Variants in C1orf21 observed in about 807,000 individuals in gnomAD.
C1orf21 encodes chromosome 1 open reading frame 21.
C1orf21 carries 3 observed loss-of-function variants against 18.7 expected under a neutral mutation model. The ratio of observed to expected loss-of-function variants is 0.16; its 90% confidence interval spans 0.07 to 0.42. C1orf21 has a LOEUF of 0.42. Among genes scored for constraint, C1orf21 ranks in the 10% least tolerant of loss-of-function variants. C1orf21 has a pLI of 0.99. For missense variants in C1orf21, 104 were observed against 143.6 expected, an observed-to-expected ratio of 0.72 and a Z score of 1.41; for synonymous variants, 41 against 46.4, an observed-to-expected ratio of 0.88 and a Z score of 0.47.
chr1:184,404,401 T>C (rs1035513871), intron 1 of C1orf21, among the ~76,000 whole-genome samples: 3 of 152,156 alleles, frequency 2.0e-5, no homozygotes, highest in African/African-American at 7.2e-5. Context: ...GTCAAGGTGC[T>C]GGCAGGTTTG....
At chr1:184,592,833 G>A (rs575060551) in intron 4 of C1orf21, among the ~76,000 whole-genome samples, 1 of 152,162 alleles carries the variant, frequency 6.6e-6, no homozygotes. Context: ...GAGACCTCAG[G>A]GGGTAGGTAA....
intron 3 of C1orf21, among the ~76,000 whole-genome samples, chr1:184,551,631 C>T (rs1020820217): frequency 5.9e-5 from 9 of 152,188 alleles, no homozygotes. Context: ...TGGTTAGCTG[C>T]CCCTCCCCGT....
intron 3 of C1orf21, among the ~76,000 whole-genome samples, chr1:184,557,795 A>C (rs993309857): frequency 6.6e-6 from 1 of 152,082 alleles, no homozygotes; most frequent in Admixed American, 6.5e-5. Context: ...TATATTAGTT[A>C]TTTTCAGTTA....
chr1:184,589,458 G>C (rs1216582221), intron 3 of C1orf21, among the ~76,000 whole-genome samples: 1 of 152,198 alleles, frequency 6.6e-6, no homozygotes, highest in East Asian at 1.9e-4. Flanking sequence ...CCCTTCTGTT[G>C]TGAGTGCATT....
chr1:184,448,511 A>T (rs1450242486), intron 1 of C1orf21, among the ~76,000 whole-genome samples: 1 of 152,154 alleles, frequency 6.6e-6, no homozygotes, highest in Non-Finnish European at 1.5e-5. Flanking sequence ...TTGCCCTGTA[A>T]TTGTTTGCAG....
intron 2 of C1orf21, among the ~76,000 whole-genome samples, chr1:184,503,977 G>C (rs1658014716): frequency 6.6e-6 from 1 of 152,150 alleles, no homozygotes; most frequent in Non-Finnish European, 1.5e-5. Flanking sequence ...GATCAGAAGG[G>C]ATCTTACAGT....
At chr1:184,523,728 C>T (rs867380324) in intron 3 of C1orf21, among the ~76,000 whole-genome samples, 12 of 151,986 alleles carry the variant, frequency 7.9e-5, no homozygotes, top group Non-Finnish European at 1.3e-4. Flanking sequence ...AGTCTAAAAC[C>T]GTAATTTAAG....
intron 4 of C1orf21, among the ~76,000 whole-genome samples, chr1:184,595,408 C>G (rs1231840774): frequency 6.6e-6 from 1 of 152,186 alleles, no homozygotes; most frequent in African/African-American, 2.4e-5. Context: ...AGTCTTTATG[C>G]AGGAACTGTT....
intron 5 of C1orf21, among the ~76,000 whole-genome samples, chr1:184,601,405 T>C (rs545296144): frequency 6.6e-6 from 1 of 152,312 alleles, no homozygotes; most frequent in African/African-American, 2.4e-5. Context: ...AAAATAGATG[T>C]AAAAGCACCA....
intron 1 of C1orf21, among the ~76,000 whole-genome samples, chr1:184,390,580 C>T (rs1655956770): frequency 6.6e-6 from 1 of 152,124 alleles, no homozygotes. Flanking sequence ...TATACATCTC[C>T]TAAAAATACT....
At chr1:184,590,128 T>C (rs571667625) in intron 3 of C1orf21, among the ~76,000 whole-genome samples, 84 of 152,344 alleles carry the variant, frequency 5.5e-4, no homozygotes, top group Admixed American at 8.5e-4. Context: ...ACTAGCATTT[T>C]AAGATTTGAG....
intron 5 of C1orf21, among the ~76,000 whole-genome samples, chr1:184,612,519 A>G (rs567038445): frequency 1.3e-5 from 2 of 152,326 alleles, no homozygotes; most frequent in Admixed American, 1.3e-4. Context: ...TGAGGTCAGG[A>G]GTTTGAGACT....
At chr1:184,478,565 C>A (rs920037823) in intron 2 of C1orf21, among the ~76,000 whole-genome samples, 1 of 152,196 alleles carries the variant, frequency 6.6e-6, no homozygotes, top group Non-Finnish European at 1.5e-5. Context: ...ATTGCCCCTG[C>A]AGCCAGGCTG....
chr1:184,390,721 T>C (rs989416990), intron 1 of C1orf21, among the ~76,000 whole-genome samples: 2 of 152,180 alleles, frequency 1.3e-5, no homozygotes, highest in Non-Finnish European at 2.9e-5. Context: ...TTTCCAGCTT[T>C]ACTGTGTAAA....
intron 3 of C1orf21, among the ~76,000 whole-genome samples, chr1:184,515,931 G>C (rs1028503400): frequency 1.3e-5 from 2 of 152,254 alleles, no homozygotes; most frequent in East Asian, 3.9e-4. Flanking sequence ...TCCTGCCTCA[G>C]CCTCCTGAGT....
At chr1:184,611,773 G>A (rs1339175558) in intron 5 of C1orf21, among the ~76,000 whole-genome samples, 1 of 152,154 alleles carries the variant, frequency 6.6e-6, no homozygotes, top group Non-Finnish European at 1.5e-5. Context: ...AAGTCCCACA[G>A]TACAGGATAA....
intron 1 of C1orf21, among the ~76,000 whole-genome samples, chr1:184,425,321 G>T (rs192836803): frequency 2.0e-5 from 3 of 151,502 alleles, no homozygotes; most frequent in Non-Finnish European, 2.9e-5. Flanking sequence ...AGGATGGAGT[G>T]CAGTGGTGTG....
intron 2 of C1orf21, among the ~76,000 whole-genome samples, chr1:184,483,938 T>A (rs1571379758): frequency 1.3e-5 from 2 of 151,600 alleles, no homozygotes; most frequent in Admixed American, 1.3e-4. Context: ...TGTATGTGTG[T>A]TTTGAGATGG....
At chr1:184,398,853 C>T (rs1166373138) in intron 1 of C1orf21, among the ~76,000 whole-genome samples, 1 of 152,174 alleles carries the variant, frequency 6.6e-6, no homozygotes, top group Non-Finnish European at 1.5e-5. Context: ...TATGAAACCA[C>T]AGTTTCATAT....
Sources: allele counts gnomAD v4.1 joint callset (sites outside exome capture counted in the v4.1 genomes callset), GRCh38; gene constraint gnomAD v4.1.1; transcripts MANE v1.5; gene names NCBI Gene and HGNC (gene_info 2026-07-23, HGNC 2026-07-21).